Variants in PRAMEF1 observed in about 807,000 individuals in gnomAD.
PRAMEF1 encodes PRAME family member 1.
Under a neutral mutation model 38.2 loss-of-function variants are expected in PRAMEF1, and 21 were observed. The ratio of observed to expected loss-of-function variants is 0.55; its 90% confidence interval spans 0.39 to 0.79. The LOEUF (loss-of-function observed/expected upper bound fraction) is 0.79. PRAMEF1 is among the 30% of genes least tolerant of loss of function. The pLI, the probability that PRAMEF1 is intolerant of heterozygous loss-of-function variation, is 0.00. For synonymous variants in PRAMEF1, 200 were observed against 229.0 expected (o/e 0.87, Z 1.14); for missense variants, 497 against 565.8 (o/e 0.88, Z 1.23).
rs138604876 is a variant in PRAMEF1, at chr1:12,795,877, G to A, written c.1306G>A (p.Glu436Lys). The change falls in exon 4 of 4, where the codon GAG becomes AAG. Residue 436 changes from glutamate (E) to lysine (K), a missense_variant. Coordinates refer to ENST00000332296, the MANE Select transcript of PRAMEF1 (RefSeq NM_023013.4). ...NWEIFTPLRA[E>K]LMCTLREVRQ... ...GGAGATCTTCACCCCACTTCGGGCT[G>A]AGCTGATGTGTACACTGAGGGAAGT... The A allele has an allele frequency of 6.2e-7, 1 of 1,611,002 alleles. No homozygotes were observed. The highest frequency in any genetic ancestry group is 8.5e-7 in the Non-Finnish European group (1 of 1,179,680).
intron 1 of PRAMEF1, among the ~76,000 whole-genome samples, chr1:12,792,307 C>T (rs1417568632): frequency 6.6e-6 from 1 of 151,156 alleles, no homozygotes; most frequent in Non-Finnish European, 1.5e-5. Flanking sequence ...CATGAGTGAG[C>T]CACCGCGCCC....
Position 12,795,472 on chromosome 1 carries a change from A to T in PRAMEF1, c.901A>T (p.Thr301Ser), listed in dbSNP as rs374864408. The change falls in exon 4 of 4, where the codon ACT becomes TCT. Residue 301 changes from threonine to serine, a missense_variant. Physicochemically the swap from Thr to Ser is moderately conservative, Grantham distance 58 (BLOSUM62 1). Coordinates refer to ENST00000332296, the MANE Select transcript of PRAMEF1 (RefSeq NM_023013.4). ...LQNPLENLEL[T>S]YGYLLEEDMK... ...GAACCCCTTGGAGAACTTGGAATTA[A>T]CTTATGGCTACCTATTGGAAGAAGA... 2.7e-5 allele frequency: 44 copies of T among 1,612,098 alleles called. 1 individual carries two copies. The African/African-American group carries it at 3.7e-4, about 14-fold the overall frequency.
In PRAMEF1 at chr1:12,793,525, C is replaced by A. The variant is rs530400906; in HGVS notation, c.287+11C>A. The stretch of plus-strand genomic sequence containing the variant: ...GAAGGATCGCCCCAGGTGAGGTGAC[C>A]CAGGAGGGCTGGTAGATAGGGCTCA... On this transcript the variant is annotated intron_variant, in intron 2 of 3. Transcript: ENST00000332296. The A allele has an allele frequency of 3.7e-6, 6 of 1,605,196 alleles. No individual in the cohort carries two copies. The highest frequency in any genetic ancestry group is 4.3e-6 in the Non-Finnish European group (5 of 1,175,540).
Position 12,795,679 on chromosome 1 carries a change from C to T in PRAMEF1, c.1108C>T (p.Leu370=). 2 of 1,611,318 alleles carry T rather than the reference C, an allele frequency of 1.2e-6. No homozygotes were observed. Among genetic ancestry groups the T allele is most frequent in the Non-Finnish European group, 1.7e-6 (2 of 1,179,540 alleles). The part of the protein sequence containing the change: ...QIHYSQLSAI[L]PGLSRCSQLT... ...CCACTACTCCCAACTCAGTGCCATC[C>T]TGCCTGGCCTGAGCCGCTGCTCCCA... The change falls in exon 4 of 4, where the codon CTG becomes TTG. Residue 370 remains leucine, a synonymous_variant. Transcript: ENST00000332296.
At chr1:12,794,842 A>G (rs1289215108) in intron 3 of PRAMEF1, 5 of 1,332,600 alleles carry the variant, frequency 3.8e-6, no homozygotes, top group Non-Finnish European at 5.0e-6. Flanking sequence ...GGAGGGTATG[A>G]AAGGAGGGAA....
rs1213738188 is a variant in PRAMEF1 at position 12,796,347 on chromosome 1, G to C, written c.*351G>C. 3.1e-6 allele frequency: 1 copy of C among 324,292 alleles called. No homozygotes were observed. The highest frequency in any genetic ancestry group is 2.1e-5 in the African/African-American group (1 of 46,566). The allele number at this position is 324,292 out of a possible 1,614,324, so 20.1% of individuals were successfully genotyped here. A position where few individuals can be genotyped will look rare whatever the true frequency, so the allele number is the denominator to read the frequency against. On this transcript the variant is annotated 3_prime_UTR_variant, in exon 4 of 4. Transcript: ENST00000332296. ...GGGGGCAAGGTTGGAGGAAAATGTT[G>C]AGGTGACATCAGTGAGAACTTCAGG...
At position 12,794,497 on chromosome 1, in the gene PRAMEF1, A is replaced by G. The variant is rs1285767917; in HGVS notation, c.866+4A>G. ...GGCACCTGGAACAGCTGATCAGGTG[A>G]GAAAGGATCATGCACTTTGTATGCA... On this transcript the variant is annotated splice_donor_region_variant and intron_variant, in intron 3 of 3. Transcript: ENST00000332296. 1 of 1,609,956 alleles carries G rather than the reference A, an allele frequency of 6.2e-7. No homozygotes were observed. Among genetic ancestry groups the G allele is most frequent in the Non-Finnish European group, 8.5e-7 (1 of 1,177,776 alleles).
At position 12,792,504 on chromosome 1, in the gene PRAMEF1, T is replaced by C. The variant is rs4026139; in HGVS notation, c.-25-699T>C. On this transcript the variant is annotated intron_variant, in intron 1 of 3. Transcript: ENST00000332296. ...CTCTGGGCTTCAAGTGATTCTCCTT[T>C]CTCTGCCTCCAGAGTAGCTAGGATT... Among the ~76,000 whole-genome samples the C allele has an allele frequency of 8.3e-4, 125 of 151,292 alleles. 6 individuals carry two copies. Among genetic ancestry groups the C allele is most frequent in the Non-Finnish European group, 1.0e-3 (69 of 67,748 alleles).
intron 1 of PRAMEF1, among the ~76,000 whole-genome samples, chr1:12,792,736 G>A (rs1216906028): frequency 6.6e-6 from 1 of 151,178 alleles, no homozygotes. Context: ...AGGCCAGGCT[G>A]TTCTCAAATT....
chr1:12,794,639 A>G lies in PRAMEF1; in HGVS notation c.866+146A>G, dbSNP rs763223202. On this transcript the variant is annotated intron_variant, in intron 3 of 3. Transcript: ENST00000332296. ...AGAATGTCAACACATTGTCCCATTC[A>G]GTGTTCCATGTCCTGGAGTGGCTAT... 53 of 1,522,154 alleles carry G rather than the reference A, an allele frequency of 3.5e-5. 1 individual carries two copies. The Middle Eastern group carries it at 2.4e-3, about 70-fold the overall frequency. 94.3% of individuals were successfully genotyped at this position (1,522,154 alleles called of 1,614,324 possible). A position where few individuals can be genotyped will look rare whatever the true frequency, so the allele number is the denominator to read the frequency against.
rs779439864 is a variant in PRAMEF1 at position 12,793,508 on chromosome 1, G to A, written c.281G>A (p.Arg94His). The A allele has an allele frequency of 5.6e-5, 90 of 1,607,482 alleles. 1 individual carries two copies. The highest frequency in any genetic ancestry group is 9.0e-5 in the East Asian group (4 of 44,348). Residue 94 changes from arginine (R) to histidine (H), a missense_variant, in exon 2 of 4, where the codon CGC (arginine) becomes CAC (histidine). Physicochemically the swap from Arg to His is conservative, Grantham distance 29. Around this residue, in one of 2 missense-constraint regions of PRAMEF1, gnomAD observed 470 missense variants for 501.9 expected, o/e 0.94. Coordinates refer to ENST00000332296, the MANE Select transcript of PRAMEF1 (RefSeq NM_023013.4). ...CATATGCTGCTTACACAGAAGGATC[G>A]CCCCAGGTGAGGTGACCCAGGAGGG... ...GLHMLLTQKD[R>H]PRRWKLQVLD...
intron 1 of PRAMEF1, among the ~76,000 whole-genome samples, chr1:12,792,729 C>G (rs777592562): frequency 9.9e-5 from 15 of 151,198 alleles, no homozygotes; most frequent in Non-Finnish European, 1.6e-4. Flanking sequence ...ATTATGTAGG[C>G]CAGGCTGTTC....
intron 1 of PRAMEF1, among the ~76,000 whole-genome samples, chr1:12,792,611 C>G (rs886653428): frequency 4.6e-5 from 7 of 151,286 alleles, no homozygotes; most frequent in African/African-American, 1.7e-4. Context: ...GAGTCCAAGT[C>G]TGTCACCCAG....
At position 12,792,650 on chromosome 1, in the gene PRAMEF1, C is replaced by G. The variant is rs1172690586; in HGVS notation, c.-25-553C>G. ...GGAGAGCAGTGGTGCGATCTTGGCT[C>G]ATTGCAACTTCTGCCTTCTGGAGTC... On this transcript the variant is annotated intron_variant, in intron 1 of 3. Coordinates refer to ENST00000332296, the MANE Select transcript of PRAMEF1 (RefSeq NM_023013.4). Among the ~76,000 whole-genome samples the G allele has an allele frequency of 6.6e-5, 10 of 151,292 alleles. 1 individual carries two copies. In the Admixed American group the frequency reaches 6.6e-4, roughly 10 times the overall value.
chr1:12,794,362 C>T lies in PRAMEF1; in HGVS notation c.735C>T (p.Tyr245=). 6.2e-7 allele frequency: 1 copy of T among 1,612,196 alleles called. No individual in the cohort carries two copies. Among genetic ancestry groups the T allele is most frequent in the Non-Finnish European group, 8.5e-7 (1 of 1,179,052 alleles). Residue 245 remains tyrosine (Y), a synonymous_variant, in exon 3 of 4, where the codon TAC becomes TAT. Coordinates refer to ENST00000332296, the MANE Select transcript of PRAMEF1 (RefSeq NM_023013.4). ...RKLVFSRCHH[Y]TSDNELEGRL... The stretch of plus-strand genomic sequence containing the variant: ...TCGTTTTCTCCAGGTGCCATCATTA[C>T]ACGTCAGATAATGAACTCGAAGGAC...
chr1:12,795,227 C>A (rs1409430119), intron 3 of PRAMEF1, among the ~76,000 whole-genome samples: 1 of 151,682 alleles, frequency 6.6e-6, no homozygotes, highest in Non-Finnish European at 1.5e-5. Context: ...GGCCTTGAAC[C>A]AATCACACAA....
Position 12,791,434 on chromosome 1 carries a change from C to T in PRAMEF1, c.-66C>T, listed in dbSNP as rs1312804921. On this transcript the variant is annotated 5_prime_UTR_variant, in exon 1 of 4. Coordinates refer to ENST00000332296, the MANE Select transcript of PRAMEF1 (RefSeq NM_023013.4). ...CATTCCTGGAGCTACTGGTTGGTTT[C>T]CTGAGAGGTCCCAGAACTCTGCGAA... 2.1e-5 allele frequency: 3 copies of T among 144,712 alleles called. No individual in the cohort carries two copies. Among genetic ancestry groups the T allele is most frequent in the Non-Finnish European group, 3.1e-5 (2 of 64,756 alleles). 9.0% of individuals were successfully genotyped at this position (144,712 alleles called of 1,614,324 possible). A position where few individuals can be genotyped will look rare whatever the true frequency, so the allele number is the denominator to read the frequency against.
chr1:12,793,169 A>C, intron 1 of PRAMEF1, 34 bp from the exon 2 acceptor site: 1 of 1,600,624 alleles, frequency 6.2e-7, no homozygotes, highest in Non-Finnish European at 8.5e-7. Flanking sequence ...CTTTGCCCTG[A>C]GAGTGACACA....
At position 12,794,253 on chromosome 1, in the gene PRAMEF1, A is replaced by G; in HGVS notation, c.626A>G (p.Glu209Gly). The G allele has an allele frequency of 6.2e-7, 1 of 1,611,842 alleles. No individual in the cohort carries two copies. Among genetic ancestry groups the G allele is most frequent in the Non-Finnish European group, 8.5e-7 (1 of 1,178,676 alleles). The part of the protein sequence containing the change: ...LKIIYLNSIQ[E>G]LEIRNMSWPR... Reference sequence around the variant, plus strand: ...ATAATATACCTGAATAGTATTCAAGAGCTGGAAATTCGCAACATGTCCTGG... The same window carrying G: ...ATAATATACCTGAATAGTATTCAAGGGCTGGAAATTCGCAACATGTCCTGG... Residue 209 changes from glutamate to glycine, a missense_variant, in exon 3 of 4, where the codon GAG becomes GGG. This residue lies in a region of PRAMEF1 where 470 missense variants were observed against 501.9 expected (regional missense o/e 0.94). Coordinates refer to ENST00000332296, the MANE Select transcript of PRAMEF1 (RefSeq NM_023013.4).
Sources: allele counts gnomAD v4.1 joint callset (sites outside exome capture counted in the v4.1 genomes callset), GRCh38; gene constraint gnomAD v4.1.1; regional missense constraint gnomAD v4.1.1; transcripts MANE v1.5; gene names NCBI Gene and HGNC (gene_info 2026-07-23, HGNC 2026-07-21).